LRRTM4: variants seen among roughly 807,000 people sequenced by gnomAD.
LRRTM4 encodes the protein leucine-rich repeat transmembrane neuronal protein 4.
Under a neutral mutation model 47.6 loss-of-function variants are expected in LRRTM4, and 25 were observed. That is an observed-to-expected ratio of 0.53 (90% CI 0.38 to 0.73). LRRTM4 has a LOEUF of 0.73. Among genes scored for constraint, LRRTM4 ranks in the 30% least tolerant of loss-of-function variants. The pLI is 0.00. For missense variants in LRRTM4, 638 were observed against 713.4 expected (o/e 0.89, Z 1.20); for synonymous variants, 311 against 269.5 (o/e 1.15, Z -1.51).
Position 77,247,251 on chromosome 2 carries a change from A to C in LRRTM4, c.1551+271067T>G, listed in dbSNP as rs548758457. On this transcript the variant is annotated intron_variant, in intron 3 of 3. Coordinates refer to ENST00000409884, the MANE Select transcript of LRRTM4 (RefSeq NM_001134745.3). ...ATGATTTAATAAGATATGAATAACT[A>C]TACAAGGAAAGCAAAATATAACTTC... Among the ~76,000 whole-genome samples the C allele has an allele frequency of 3.9e-5, 6 of 152,284 alleles. No homozygotes were observed. In the South Asian group the frequency reaches 1.0e-3, roughly 26 times the overall value.
At chr2:76,959,060 T>G (rs897062745) in intron 3 of LRRTM4, among the ~76,000 whole-genome samples, 2 of 151,822 alleles carry the variant, frequency 1.3e-5, no homozygotes, top group East Asian at 3.9e-4. Flanking sequence ...TTGGCCACTT[T>G]CTGCATCATG....
At chr2:77,360,009 T>A (rs1035402335) in intron 3 of LRRTM4, among the ~76,000 whole-genome samples, 1 of 152,158 alleles carries the variant, frequency 6.6e-6, no homozygotes, top group Non-Finnish European at 1.5e-5. Context: ...ATTCTTTTTT[T>A]TAAAAAAAGT....
At chr2:77,432,724 T>C (rs570769678) in intron 3 of LRRTM4, among the ~76,000 whole-genome samples, 2 of 152,214 alleles carry the variant, frequency 1.3e-5, no homozygotes, top group Non-Finnish European at 2.9e-5. Flanking sequence ...ATATGTTATA[T>C]GTGTGTATAT....
At chr2:77,472,898 T>C (rs1677246008) in intron 3 of LRRTM4, among the ~76,000 whole-genome samples, 1 of 152,172 alleles carries the variant, frequency 6.6e-6, no homozygotes, top group Non-Finnish European at 1.5e-5. Context: ...CAGGTATATA[T>C]AATTCTAAGC....
chr2:77,244,939 C>T lies in LRRTM4; in HGVS notation c.1551+273379G>A, dbSNP rs141293445. Among the ~76,000 whole-genome samples, 4 of 152,174 alleles carry T rather than the reference C, an allele frequency of 2.6e-5. No individual in the cohort carries two copies. In the East Asian group the frequency reaches 5.8e-4, roughly 22 times the overall value. Reference sequence around the variant, plus strand: ...ATACTTTCCTGGTAGAGCCTTGATACGATGCCCTAGTCAACACCTTGATTA... The same window carrying T: ...ATACTTTCCTGGTAGAGCCTTGATATGATGCCCTAGTCAACACCTTGATTA... On this transcript the variant is annotated intron_variant, in intron 3 of 3. Transcript: ENST00000409884.
intron 3 of LRRTM4, among the ~76,000 whole-genome samples, chr2:76,960,770 C>G (rs945344490): frequency 6.6e-6 from 1 of 151,396 alleles, no homozygotes; most frequent in African/African-American, 2.4e-5. Context: ...AAACTGTAAG[C>G]CTTTTTATAT....
intron 3 of LRRTM4, among the ~76,000 whole-genome samples, chr2:77,028,430 A>G (rs556342407): frequency 6.6e-6 from 1 of 152,342 alleles, no homozygotes; most frequent in South Asian, 2.1e-4. Flanking sequence ...ACACTTCTGG[A>G]AAATCCCAAG....
intron 3 of LRRTM4, among the ~76,000 whole-genome samples, chr2:77,049,120 TTTTATATATATATATATATATA>T (rs1452585114): frequency 2.9e-4 from 19 of 66,468 alleles, no homozygotes; most frequent in Admixed American, 1.3e-3. Context: ...ATATTTCATT[TTTTATATATATATATATATATA>T]TATATATATA....
At chr2:76,954,333 A>G (rs1164741276) in intron 3 of LRRTM4, among the ~76,000 whole-genome samples, 1 of 151,892 alleles carries the variant, frequency 6.6e-6, no homozygotes, top group Non-Finnish European at 1.5e-5. Flanking sequence ...CAAAACGAGA[A>G]TATCAGCAAG....
intron 3 of LRRTM4, among the ~76,000 whole-genome samples, chr2:76,848,533 A>C (rs901837418): frequency 6.6e-6 from 1 of 152,098 alleles, no homozygotes; most frequent in Non-Finnish European, 1.5e-5. Flanking sequence ...TTTTAATTTT[A>C]TCTTGAATCA....
At chr2:77,289,666 G>A (rs995109077) in intron 3 of LRRTM4, among the ~76,000 whole-genome samples, 1 of 151,852 alleles carries the variant, frequency 6.6e-6, no homozygotes, top group Non-Finnish European at 1.5e-5. Flanking sequence ...TGCTCAAACA[G>A]GTCTATTTCT....
intron 3 of LRRTM4, among the ~76,000 whole-genome samples, chr2:77,155,952 C>T (rs1420311020): frequency 1.3e-5 from 2 of 152,098 alleles, no homozygotes; most frequent in Non-Finnish European, 2.9e-5. Context: ...ATTAACCTGA[C>T]TGAATCAATT....
intron 3 of LRRTM4, among the ~76,000 whole-genome samples, chr2:77,135,271 C>T (rs921867156): frequency 4.6e-5 from 7 of 152,160 alleles, no homozygotes; most frequent in Admixed American, 1.3e-4. Context: ...GGCAGACTCA[C>T]GTGTTCCTTC....
In LRRTM4 at chr2:77,243,267, G is replaced by A. The variant is rs112699161; in HGVS notation, c.1551+275051C>T. On this transcript the variant is annotated intron_variant, in intron 3 of 3. Transcript: ENST00000409884. ...CTCTACTAAAAATACAAAATTAGCC[G>A]GGTGTGGTGGTGCATGCCTGTAATC... is the stretch of plus-strand genomic sequence containing the variant. Among the ~76,000 whole-genome samples the A allele has an allele frequency of 1.0e-3, 154 of 151,874 alleles. 1 individual carries two copies. The highest frequency in any genetic ancestry group is 3.3e-3 in the African/African-American group (135 of 41,470).
chr2:76,848,701 TTGTAA>T (rs1201400940), intron 3 of LRRTM4, among the ~76,000 whole-genome samples: 9 of 152,128 alleles, frequency 5.9e-5, no homozygotes, highest in East Asian at 1.9e-4. Context: ...ATTTTTAAAC[TTGTAA>T]TGTGTGAATG....
intron 3 of LRRTM4, among the ~76,000 whole-genome samples, chr2:77,199,262 A>G (rs2103896017): frequency 6.6e-6 from 1 of 152,264 alleles, no homozygotes; most frequent in East Asian, 1.9e-4. Flanking sequence ...CAAGTTTTAG[A>G]TAATTTAACT....
intron 3 of LRRTM4, chr2:77,517,534 G>A: frequency 1.0e-6 from 1 of 984,956 alleles, no homozygotes; most frequent in Non-Finnish European, 1.2e-6. Flanking sequence ...GCCAAAGCAT[G>A]GAATTGAAGT....
intron 3 of LRRTM4, among the ~76,000 whole-genome samples, chr2:76,858,884 A>G (rs2104000210): frequency 6.6e-6 from 1 of 152,284 alleles, no homozygotes; most frequent in East Asian, 1.9e-4. Context: ...TGAATAGTTC[A>G]GAACTTTGGA....
intron 3 of LRRTM4, among the ~76,000 whole-genome samples, chr2:77,221,383 G>A (rs1164256246): frequency 6.6e-6 from 1 of 151,942 alleles, no homozygotes; most frequent in African/African-American, 2.4e-5. Flanking sequence ...AATGGGCTAA[G>A]TGCTCCAAAT....
Sources: allele counts gnomAD v4.1 joint callset (sites outside exome capture counted in the v4.1 genomes callset), GRCh38; gene constraint gnomAD v4.1.1; transcripts MANE v1.5; gene names NCBI Gene and HGNC (gene_info 2026-07-23, HGNC 2026-07-21).